The following GNAS variants were observed in gnomAD, a reference collection of about 807,000 sequenced individuals.
GNAS encodes GNAS complex locus.
A neutral mutation model predicts 54.5 loss-of-function variants in GNAS; 8 were observed. The ratio of observed to expected loss-of-function variants is 0.15; its 90% CI spans 0.09 to 0.26. The LOEUF (loss-of-function observed/expected upper bound fraction) is 0.26. Ranked by LOEUF, GNAS falls within the 10% of genes least tolerant of loss-of-function variation. The pLI is 1.00. For missense variants in GNAS, 170 were observed against 529.8 expected (o/e 0.32, Z 6.67); for synonymous variants, 204 against 191.4 (o/e 1.07, Z -0.54).
At position 58,909,057 on chromosome 20, in the gene GNAS, T is replaced by G; in HGVS notation, c.531-105T>G. On this transcript the variant is annotated intron_variant, in intron 6 of 12. Coordinates refer to ENST00000371085, the MANE Select transcript of GNAS (RefSeq NM_000516.7). The surrounding 1 kb of genome is among the most constrained non-coding windows in gnomAD (Gnocchi z 7.3). Reference sequence around the variant, plus strand: ...CCATTGACTTAGTGCTGCATAACTGTGGGACGGTCACTTCCGTTGAGCCTG... The same window carrying G: ...CCATTGACTTAGTGCTGCATAACTGGGGGACGGTCACTTCCGTTGAGCCTG... 1 of 917,244 alleles carries G rather than the reference T, an allele frequency of 1.1e-6. No individual in the cohort carries two copies. The highest frequency in any genetic ancestry group is 1.8e-6 in the Non-Finnish European group (1 of 545,610). The allele number at this position is 917,244 out of a possible 1,614,324, so 56.8% of individuals were successfully genotyped here. A position where few individuals can be genotyped will look rare whatever the true frequency, so the allele number is the denominator to read the frequency against.
rs1041253833 is a variant in GNAS at position 58,911,115 on chromosome 20, A to G, written c.*286A>G. 2.3e-5 allele frequency: 13 copies of G among 570,360 alleles called. No individual in the cohort carries two copies. The East Asian group carries it at 2.4e-4, about 11-fold the overall frequency. 35.3% of individuals were successfully genotyped at this position (570,360 alleles called of 1,614,324 possible). A position where few individuals can be genotyped will look rare whatever the true frequency, so the allele number is the denominator to read the frequency against. On this transcript the variant is annotated 3_prime_UTR_variant, in exon 13 of 13. Coordinates refer to ENST00000371085, the MANE Select transcript of GNAS (RefSeq NM_000516.7). ...CAGCAGCAAACAAATAAAATGAAATAAAAGAAACAAATGAAATAAATATTG... is the reference window on the plus strand; with the variant it reads ...CAGCAGCAAACAAATAAAATGAAATGAAAGAAACAAATGAAATAAATATTG...
chr20:58,872,432 A>G (rs1209271581), intron 1 of GNAS, among the ~76,000 whole-genome samples: 1 of 152,218 alleles, frequency 6.6e-6, no homozygotes, highest in African/African-American at 2.4e-5. Context: ...TGAGCATCCT[A>G]TAAGTTAAGT....
At chr20:58,879,930 C>T (rs1260199517) in intron 1 of GNAS, among the ~76,000 whole-genome samples, 2 of 152,136 alleles carry the variant, frequency 1.3e-5, no homozygotes, top group African/African-American at 2.4e-5. Context: ...AAGCATTTCG[C>T]TTTTACAGAA....
At chr20:58,894,969 T>A (rs186064249) in intron 1 of GNAS, among the ~76,000 whole-genome samples, 1 of 152,186 alleles carries the variant, frequency 6.6e-6, no homozygotes, top group Non-Finnish European at 1.5e-5. Context: ...TAGAAAGATA[T>A]AGTTTGTGAG....
intron 3 of GNAS, 115 bp downstream of exon 3, chr20:58,899,100 T>C (rs1601068610): frequency 6.0e-6 from 5 of 831,376 alleles, no homozygotes. Context: ...TAAAGGACCA[T>C]CAGCCATATT....
At chr20:58,894,767 G>A (rs2145989317) in intron 1 of GNAS, among the ~76,000 whole-genome samples, 1 of 152,306 alleles carries the variant, frequency 6.6e-6, no homozygotes, top group Non-Finnish European at 1.5e-5. Flanking sequence ...ACTTCCCAGG[G>A]ATAGTTTTCC....
chr20:58,869,615 G>C (rs1292346054), intron 1 of GNAS, among the ~76,000 whole-genome samples: 1 of 152,176 alleles, frequency 6.6e-6, no homozygotes, highest in Admixed American at 6.5e-5. Flanking sequence ...TGAGGTGCAT[G>C]GTCAATGATT....
In GNAS at chr20:58,910,374, C is replaced by A; in HGVS notation, c.1011C>A (p.Ala337=). The A allele has an allele frequency of 6.2e-7, 1 of 1,612,486 alleles. No individual in the cohort carries two copies. The highest frequency in any genetic ancestry group is 8.5e-7 in the Non-Finnish European group (1 of 1,178,546). ...GAGAGGACCCACGCGTGACCCGGGC[C>A]AAGTACTTCATTCGAGATGAGTTTC... ...EPGEDPRVTR[A]KYFIRDEFLR... Residue 337 remains alanine (A), a synonymous_variant, in exon 12 of 13, where the codon GCC becomes GCA. Transcript: ENST00000371085. The surrounding 1 kb of genome is among the most constrained non-coding windows in gnomAD (Gnocchi z 5.8).
chr20:58,860,424 A>G (rs893144161), intron 1 of GNAS, among the ~76,000 whole-genome samples: 2 of 151,846 alleles, frequency 1.3e-5, no homozygotes, highest in Non-Finnish European at 1.5e-5. Flanking sequence ...ATAATTAATC[A>G]TTATAATAAT....
chr20:58,892,461 G>C (rs2089530515), intron 1 of GNAS: 3 of 145,528 alleles, frequency 2.1e-5, no homozygotes, highest in Admixed American at 2.0e-4. Flanking sequence ...TGGCCGAGGA[G>C]AGTGGGGGGG....
upstream of GNAS, among the ~76,000 whole-genome samples, chr20:58,890,138 G>T (rs2089004550): frequency 6.6e-6 from 1 of 151,984 alleles, no homozygotes; most frequent in Non-Finnish European, 1.5e-5. Context: ...AGCTGCTGGA[G>T]CAGAGGCGAA....
intron 1 of GNAS, among the ~76,000 whole-genome samples, chr20:58,866,343 C>A (rs1370365779): frequency 6.6e-6 from 1 of 152,188 alleles, no homozygotes; most frequent in African/African-American, 2.4e-5. Flanking sequence ...AGCATAAGAT[C>A]TCTCAGGAAT....
intron 1 of GNAS, among the ~76,000 whole-genome samples, chr20:58,878,915 G>T (rs1214615646): frequency 2.5e-4 from 38 of 151,358 alleles, no homozygotes; most frequent in Non-Finnish European, 1.8e-4. Flanking sequence ...GTGCGGGTGG[G>T]GGGGGGAGGG....
In GNAS at chr20:58,910,108, C is replaced by T. The variant is rs2146295350; in HGVS notation, c.970+27C>T. On this transcript the variant is annotated intron_variant, in intron 11 of 12. Transcript: ENST00000371085. The surrounding 1 kb of genome is among the most constrained non-coding windows in gnomAD (Gnocchi z 5.8). ...TGTGTATGGCTTCCACTCTTGCTGGCTGTTCATTGCGGTGGTTCTTTTTCA... is the reference window on the plus strand; with the variant it reads ...TGTGTATGGCTTCCACTCTTGCTGGTTGTTCATTGCGGTGGTTCTTTTTCA... The T allele has an allele frequency of 6.2e-7, 1 of 1,611,332 alleles. No homozygotes were observed. Among genetic ancestry groups the T allele is most frequent in the Non-Finnish European group, 8.5e-7 (1 of 1,177,484 alleles).
At chr20:58,891,943 GC>G in intron 1 of GNAS, 78 bp downstream of exon 1, 1 of 867,612 alleles carries the variant, frequency 1.2e-6, no homozygotes, top group Non-Finnish European at 1.4e-6. Flanking sequence ...CGCCGAGCCC[GC>G]CCCCCGCCCC....
At chr20:58,855,350 T>C in intron 1 of GNAS, 1 of 1,545,234 alleles carries the variant, frequency 6.5e-7, no homozygotes, top group Non-Finnish European at 8.7e-7. Flanking sequence ...CGGCGGACTC[T>C]GCCTGCGGGC....
At chr20:58,864,410 T>C (rs917237539) in intron 1 of GNAS, among the ~76,000 whole-genome samples, 1 of 152,176 alleles carries the variant, frequency 6.6e-6, no homozygotes, top group Non-Finnish European at 1.5e-5. Flanking sequence ...CTGCTCTTTC[T>C]GTGGCTCTAC....
intron 3 of GNAS, among the ~76,000 whole-genome samples, chr20:58,899,683 A>G (rs1404688834): frequency 6.6e-6 from 1 of 151,484 alleles, no homozygotes; most frequent in Non-Finnish European, 1.5e-5. Context: ...ATGCACATGC[A>G]TACACAGACA....
chr20:58,903,089 T>G, intron 3 of GNAS: 1 of 336,858 alleles, frequency 3.0e-6, no homozygotes, highest in Non-Finnish European at 5.8e-6. Flanking sequence ...GTTCTCTCAG[T>G]ATGCTAGCAA....
Sources: gnomAD v4.1 joint callset for allele counts (sites outside exome capture counted in the v4.1 genomes callset) on GRCh38, gnomAD v4.1.1 for gene constraint, Gnocchi (gnomAD v3.1) non-coding constraint, MANE v1.5 for transcripts, NCBI Gene and HGNC (gene_info 2026-07-23, HGNC 2026-07-21) for gene names.